Variants in NEURL1 observed in about 807,000 individuals in gnomAD.
NEURL1 encodes the protein neuralized E3 ubiquitin protein ligase 1, also known as E3 ubiquitin-protein ligase NEURL1.
NEURL1 carries 26 observed loss-of-function variants against 41.2 expected under a neutral mutation model. The observed-to-expected ratio is 0.63, with a 90% CI of 0.46 to 0.87. The LOEUF (loss-of-function observed/expected upper bound fraction) is 0.87. Among genes scored for constraint, NEURL1 ranks in the 40% least tolerant of loss-of-function variants. The pLI is 0.00. For synonymous variants in NEURL1, 400 were observed against 402.3 expected, an observed-to-expected ratio of 0.99 and a Z score of 0.07; for missense variants, 761 against 871.1, an observed-to-expected ratio of 0.87 and a Z score of 1.59.
At chr10:103,573,942 T>A (rs1308056011) in intron 3 of NEURL1, among the ~76,000 whole-genome samples, 4 of 152,220 alleles carry the variant, frequency 2.6e-5, no homozygotes, top group African/African-American at 9.6e-5. Context: ...GTACTGAGCA[T>A]CGCAGAGCCT....
intron 3 of NEURL1, among the ~76,000 whole-genome samples, chr10:103,575,667 G>C (rs535179576): frequency 4.6e-5 from 7 of 152,202 alleles, no homozygotes; most frequent in African/African-American, 1.7e-4. Context: ...GCCCCAGCAG[G>C]CCCTCCTCCC....
chr10:103,568,334 C>G (rs1195328119), intron 1 of NEURL1, among the ~76,000 whole-genome samples: 1 of 152,206 alleles, frequency 6.6e-6, no homozygotes, highest in Admixed American at 6.5e-5. Context: ...GCCCCTTTGT[C>G]TCCACTGTAT....
intron 1 of NEURL1, among the ~76,000 whole-genome samples, chr10:103,568,277 C>T (rs1417507737): frequency 6.6e-6 from 1 of 152,222 alleles, no homozygotes; most frequent in Non-Finnish European, 1.5e-5. Context: ...GGGGTCCTCT[C>T]TGGAAGGGAG....
chr10:103,542,908 G>C, intron 1 of NEURL1, among the ~76,000 whole-genome samples: 1 of 152,120 alleles, frequency 6.6e-6, no homozygotes, highest in African/African-American at 2.4e-5. Flanking sequence ...CTGCTGCCAA[G>C]AACAGCCAGG....
intron 1 of NEURL1, among the ~76,000 whole-genome samples, chr10:103,506,327 C>G (rs924246825): frequency 2.6e-5 from 4 of 152,202 alleles, no homozygotes; most frequent in Non-Finnish European, 5.9e-5. Context: ...AGGAGGCACT[C>G]TGGCCCAATC....
chr10:103,526,630 G>A (rs1196984600), intron 1 of NEURL1, among the ~76,000 whole-genome samples: 1 of 152,082 alleles, frequency 6.6e-6, no homozygotes, highest in Non-Finnish European at 1.5e-5. Flanking sequence ...TCCGGCCTCA[G>A]CCTCCCAAGG....
intron 1 of NEURL1, among the ~76,000 whole-genome samples, chr10:103,539,382 A>G (rs2034769776): frequency 6.6e-6 from 1 of 152,080 alleles, no homozygotes; most frequent in Non-Finnish European, 1.5e-5. Context: ...TATATTCTGG[A>G]TTCTCTATTA....
At chr10:103,560,975 C>A (rs1048810451) in intron 1 of NEURL1, among the ~76,000 whole-genome samples, 2 of 152,228 alleles carry the variant, frequency 1.3e-5, no homozygotes, top group Non-Finnish European at 2.9e-5. Context: ...GCTCAGGAAT[C>A]TCTGCACTGT....
At chr10:103,555,633 G>A (rs1336845979) in intron 1 of NEURL1, among the ~76,000 whole-genome samples, 2 of 152,118 alleles carry the variant, frequency 1.3e-5, no homozygotes, top group Non-Finnish European at 2.9e-5. Context: ...TTCCCTGACA[G>A]TGGCGCCCTC....
rs182682952 is a variant in NEURL1 at position 103,566,154 on chromosome 10, A to T, written c.86-4718A>T. ...ACCCAGGCTGAAGTGCAGTGGTGCTATCATAGCTCACTGCAATCTCAAATT... is the reference window on the plus strand; with the variant it reads ...ACCCAGGCTGAAGTGCAGTGGTGCTTTCATAGCTCACTGCAATCTCAAATT... On this transcript the variant is annotated intron_variant, in intron 1 of 5. Transcript: ENST00000369780. This position sits in a 1 kb window ranked among gnomAD's most constrained non-coding sequence, Gnocchi z 4.2. Among the ~76,000 whole-genome samples the T allele has an allele frequency of 6.6e-6, 1 of 151,814 alleles. No homozygotes were observed. Among genetic ancestry groups the T allele is most frequent in the East Asian group, 1.9e-4 (1 of 5,164 alleles).
chr10:103,515,956 G>C (rs753283965), intron 1 of NEURL1, among the ~76,000 whole-genome samples: 6 of 152,118 alleles, frequency 3.9e-5, no homozygotes, highest in Non-Finnish European at 7.3e-5. Context: ...GGCCGAGTGC[G>C]GTGGCTCATG....
intron 1 of NEURL1, chr10:103,550,740 C>T (rs1484500692): frequency 4.6e-5 from 7 of 152,278 alleles, no homozygotes; most frequent in African/African-American, 1.7e-4. Flanking sequence ...GGCCCCTGCC[C>T]GTTGCCCTTT....
intron 1 of NEURL1, among the ~76,000 whole-genome samples, chr10:103,530,847 C>T (rs999182528): frequency 9.9e-5 from 15 of 151,922 alleles, no homozygotes; most frequent in African/African-American, 1.9e-4. Context: ...GCCATGATTT[C>T]GGTTCTTTTA....
rs61871221 is a variant in NEURL1, at chr10:103,547,749, G to A, written c.86-23123G>A. The stretch of plus-strand genomic sequence containing the variant: ...GAGGTGAAGGGAGGGATGGATTGAG[G>A]AGGATCTCTGCCTGTGGAGGAGGGA... On this transcript the variant is annotated intron_variant, in intron 1 of 5. Transcript: ENST00000369780. Among the ~76,000 whole-genome samples, 285 of 152,224 alleles carry A rather than the reference G, an allele frequency of 1.9e-3. 3 individuals are homozygous for A. The highest frequency in any genetic ancestry group is 3.4e-3 in the Middle Eastern group (1 of 294).
At chr10:103,535,779 G>A (rs1237337763) in intron 1 of NEURL1, among the ~76,000 whole-genome samples, 1 of 152,194 alleles carries the variant, frequency 6.6e-6, no homozygotes, top group Non-Finnish European at 1.5e-5. Flanking sequence ...GGGTGCAACA[G>A]CTGCTGGCAG....
chr10:103,533,760 T>C lies in NEURL1; in HGVS notation c.86-37112T>C, dbSNP rs12268602. Among the ~76,000 whole-genome samples, 177 of 152,188 alleles carry C rather than the reference T, an allele frequency of 1.2e-3. 3 individuals carry two copies. Among genetic ancestry groups the C allele is most frequent in the South Asian group, 6.2e-4 (3 of 4,822 alleles). On this transcript the variant is annotated intron_variant, in intron 1 of 5. Coordinates refer to ENST00000369780, the MANE Select transcript of NEURL1 (RefSeq NM_004210.5). ...ACCGTGTTAGCCAGGATGGTCTCGA[T>C]CTGCTGACCTTCTGATCCGCCCGCC...
At position 103,558,579 on chromosome 10, in the gene NEURL1, T is replaced by C. The variant is rs2035213780; in HGVS notation, c.86-12293T>C. Among the ~76,000 whole-genome samples the C allele has an allele frequency of 6.6e-6, 1 of 151,650 alleles. No individual in the cohort carries two copies. Among genetic ancestry groups the C allele is most frequent in the Non-Finnish European group, 1.5e-5 (1 of 67,958 alleles). On this transcript the variant is annotated intron_variant, in intron 1 of 5. Transcript: ENST00000369780. The surrounding 1 kb of genome is among the most constrained non-coding windows in gnomAD (Gnocchi z 4.2). Reference sequence around the variant, plus strand: ...GGCTGGTGGTGAGGAGTCGGGCTCCTCTGGGACCAGCCTGGCAGGAGACCC... The same window carrying C: ...GGCTGGTGGTGAGGAGTCGGGCTCCCCTGGGACCAGCCTGGCAGGAGACCC...
intron 1 of NEURL1, chr10:103,511,735 G>C (rs553021565): frequency 2.6e-5 from 4 of 152,392 alleles, no homozygotes; most frequent in Non-Finnish European, 5.9e-5. Context: ...TGGCTGCCCT[G>C]GGCTTCACCA....
chr10:103,583,045 G>A (rs1183779456), intron 3 of NEURL1, among the ~76,000 whole-genome samples: 1 of 152,218 alleles, frequency 6.6e-6, no homozygotes, highest in African/African-American at 2.4e-5. Flanking sequence ...GTAATTCATG[G>A]AACATGGTGA....
Sources: gnomAD v4.1 joint callset for allele counts (sites outside exome capture counted in the v4.1 genomes callset) on GRCh38, gnomAD v4.1.1 for gene constraint, Gnocchi (gnomAD v3.1) non-coding constraint, MANE v1.5 for transcripts, NCBI Gene and HGNC (gene_info 2026-07-23, HGNC 2026-07-21) for gene names.